Variants in GNB1L observed in about 807,000 individuals in gnomAD.
The protein encoded by GNB1L is guanine nucleotide-binding protein subunit beta-like protein 1.
In GNB1L, 20 loss-of-function variants were observed where a neutral mutation model predicts 29.1. The observed-to-expected ratio is 0.69, with a 90% CI of 0.48 to 1.00. GNB1L has a LOEUF of 1.00. GNB1L is among the 50% of genes least tolerant of loss of function. The pLI, the probability that GNB1L is intolerant of heterozygous loss-of-function variation, is 0.00. For synonymous variants in GNB1L, 193 were observed against 206.5 expected (o/e 0.93, Z 0.56); for missense variants, 421 against 464.9 (o/e 0.91, Z 0.87).
rs1220128752 is a variant in GNB1L, at chr22:19,783,953, T to A, written c.*4756A>T. 1 of 152,310 alleles carries A rather than the reference T, an allele frequency of 6.6e-6. No homozygotes were observed. The highest frequency in any genetic ancestry group is 1.5e-5 in the Non-Finnish European group (1 of 68,160). 9.4% of individuals were successfully genotyped at this position (152,310 alleles called of 1,614,324 possible). Reference sequence around the variant, plus strand: ...GCGGGAATGGGGATGCTGGCAAATCTGGTATGAAGGTTGAGACCCCGAGGA... The same window carrying A: ...GCGGGAATGGGGATGCTGGCAAATCAGGTATGAAGGTTGAGACCCCGAGGA... On this transcript the variant is annotated 3_prime_UTR_variant, in exon 8 of 8. Coordinates refer to ENST00000329517, the MANE Select transcript of GNB1L (RefSeq NM_053004.3).
At chr22:19,840,063 CA>C (rs34717466) in intron 2 of GNB1L, among the ~76,000 whole-genome samples, 19,071 of 142,722 alleles carry the variant, frequency 0.13, 1,438 homozygotes, top group Middle Eastern at 0.23. Context: ...GATCTTGCCT[CA>C]AAAAAAAAAA....
At position 19,821,444 on chromosome 22, in the gene GNB1L, C is replaced by T. The variant is rs1481979482; in HGVS notation, c.-20-69G>A. 7.4e-5 allele frequency: 108 copies of T among 1,462,694 alleles called. 2 individuals are homozygous for T. The South Asian group carries it at 1.3e-3, about 17-fold the overall frequency. 90.6% of individuals were successfully genotyped at this position (1,462,694 alleles called of 1,614,324 possible). ...TCACCCTCTAGGAAGGCTGCTCAGG[C>T]ACAGGGGTGCTTGAGATGTTGCCCC... On this transcript the variant is annotated intron_variant, in intron 2 of 7. Coordinates refer to ENST00000329517, the MANE Select transcript of GNB1L (RefSeq NM_053004.3).
intron 2 of GNB1L, chr22:19,849,691 T>A: frequency 1.0e-6 from 1 of 985,444 alleles, no homozygotes; most frequent in South Asian, 4.7e-5. Context: ...TTTAATCAGA[T>A]GCTTGCTAAT....
chr22:19,850,756 A>C (rs1601357251), intron 2 of GNB1L: 1 of 1,245,088 alleles, frequency 8.0e-7, no homozygotes, highest in Non-Finnish European at 1.0e-6. Context: ...AGGTCCCAAC[A>C]GGGCAGACGT....
intron 6 of GNB1L, among the ~76,000 whole-genome samples, chr22:19,803,144 C>T (rs1471346466): frequency 1.3e-5 from 2 of 152,208 alleles, no homozygotes; most frequent in African/African-American, 4.8e-5. Context: ...CCGAGGCCAA[C>T]TGCCCTGACC....
At position 19,783,386 on chromosome 22, in the gene GNB1L, A is replaced by G. The variant is rs1266480027; in HGVS notation, c.*5323T>C. 5.8e-6 allele frequency: 2 copies of G among 344,830 alleles called. No homozygotes were observed. The highest frequency in any genetic ancestry group is 1.1e-5 in the Non-Finnish European group (2 of 175,618). The allele number at this position is 344,830 out of a possible 1,614,324, so 21.4% of individuals were successfully genotyped here. ...AGGGGACAGATGTGCTGCTGTTCCC[A>G]GGCCACCTGCACAGCTGGATGGTGG... On this transcript the variant is annotated 3_prime_UTR_variant, in exon 8 of 8. Transcript: ENST00000329517.
intron 2 of GNB1L, among the ~76,000 whole-genome samples, chr22:19,828,752 C>G (rs1937641254): frequency 6.6e-6 from 1 of 151,432 alleles, no homozygotes; most frequent in African/African-American, 2.4e-5. Context: ...GATACCACCT[C>G]TATAGAGCAG....
chr22:19,798,929 C>G (rs1937337058), intron 7 of GNB1L, among the ~76,000 whole-genome samples: 1 of 152,204 alleles, frequency 6.6e-6, no homozygotes, highest in African/African-American at 2.4e-5. Context: ...CAGATGGAAA[C>G]ATGTCCACGC....
chr22:19,802,050 G>GCGGAGCCTGAGATGCCC lies in GNB1L; in HGVS notation c.666_682dup (p.Ala228GlyfsTer131). ...GCTCCAGACAGCCAGCGCCTTCCCC[G>GCGGAGCCTGAGATGCCC]CGGAGCCTGAGATGCCCCTGGCCTT... On this transcript the variant is annotated frameshift_variant, in exon 7 of 8. Transcript: ENST00000329517. LOFTEE classifies it high-confidence loss of function. 1 of 1,611,234 alleles carries GCGGAGCCTGAGATGCCC rather than the reference G, an allele frequency of 6.2e-7. No homozygotes were observed. The highest frequency in any genetic ancestry group is 8.5e-7 in the Non-Finnish European group (1 of 1,179,076).
At chr22:19,851,348 T>TC (rs1300242395) in intron 2 of GNB1L, 2 of 1,614,128 alleles carry the variant, frequency 1.2e-6, no homozygotes, top group Non-Finnish European at 1.7e-6. Context: ...ATTAGCTGAC[T>TC]CCGACAGTCT....
At chr22:19,810,818 T>C (rs1336727159) in intron 5 of GNB1L, among the ~76,000 whole-genome samples, 2 of 152,146 alleles carry the variant, frequency 1.3e-5, no homozygotes, top group Non-Finnish European at 1.5e-5. Context: ...TTTCCCAGGA[T>C]GTGAGAGGTC....
chr22:19,805,412 G>C (rs1447370423), intron 6 of GNB1L, among the ~76,000 whole-genome samples: 2 of 152,266 alleles, frequency 1.3e-5, no homozygotes, highest in Non-Finnish European at 2.9e-5. Flanking sequence ...CTCATGAGGA[G>C]GTCAAAGAGG....
chr22:19,804,534 A>G (rs1937410420), intron 6 of GNB1L, among the ~76,000 whole-genome samples: 1 of 152,186 alleles, frequency 6.6e-6, no homozygotes, highest in South Asian at 2.1e-4. Context: ...CAAAATAAGA[A>G]TATACTAAAA....
chr22:19,791,992 C>A (rs796214302), intron 7 of GNB1L, among the ~76,000 whole-genome samples: 1 of 152,166 alleles, frequency 6.6e-6, no homozygotes, highest in Non-Finnish European at 1.5e-5. Context: ...GCCAAGCCTG[C>A]ACAAGCTCAA....
chr22:19,847,938 G>A (rs1938004932), intron 2 of GNB1L: 1 of 985,036 alleles, frequency 1.0e-6, no homozygotes, highest in Admixed American at 6.2e-5. Context: ...ATTTTCCAGA[G>A]GGCCAACTGC....
At chr22:19,851,464 C>G in intron 2 of GNB1L, 1 of 1,614,080 alleles carries the variant, frequency 6.2e-7, no homozygotes, top group Non-Finnish European at 8.5e-7. Context: ...GCTCCTTGGG[C>G]CCAGGGGTGC....
chr22:19,835,172 C>T (rs1937742198), intron 2 of GNB1L, among the ~76,000 whole-genome samples: 1 of 152,110 alleles, frequency 6.6e-6, no homozygotes, highest in Admixed American at 6.5e-5. Flanking sequence ...TAGGTGGAGA[C>T]TTAAACTCCT....
At chr22:19,807,725 A>G (rs1362042449) in intron 5 of GNB1L, among the ~76,000 whole-genome samples, 1 of 152,222 alleles carries the variant, frequency 6.6e-6, no homozygotes, top group African/African-American at 2.4e-5. Flanking sequence ...GGCAGAACTC[A>G]TACCAGTTGG....
chr22:19,826,928 A>G (rs1246149722), intron 2 of GNB1L, among the ~76,000 whole-genome samples: 1 of 152,214 alleles, frequency 6.6e-6, no homozygotes, highest in Non-Finnish European at 1.5e-5. Context: ...TGGACTCATC[A>G]AAAAGGTCAG....
Sources: gnomAD v4.1 joint callset for allele counts (sites outside exome capture counted in the v4.1 genomes callset) on GRCh38, gnomAD v4.1.1 for gene constraint, MANE v1.5 for transcripts, NCBI Gene and HGNC (gene_info 2026-07-23, HGNC 2026-07-21) for gene names.